COL19A1: variants seen among roughly 807,000 people sequenced by gnomAD.
The protein encoded by COL19A1 is collagen alpha-1(XIX) chain.
A neutral mutation model predicts 190.2 loss-of-function variants in COL19A1; 159 were observed. The ratio of observed to expected loss-of-function variants is 0.84; its 90% CI spans 0.73 to 0.95. The LOEUF is 0.95. Ranked by LOEUF, COL19A1 falls within the 40% of genes least tolerant of loss-of-function variation. The pLI is 0.00. For missense variants in COL19A1, 1,418 were observed against 1,431.9 expected, an observed-to-expected ratio of 0.99 and a Z score of 0.16; for synonymous variants, 509 against 458.9, an observed-to-expected ratio of 1.11 and a Z score of -1.39.
intron 1 of COL19A1, among the ~76,000 whole-genome samples, chr6:69,872,304 T>A (rs2149933272): frequency 6.6e-6 from 1 of 152,288 alleles, no homozygotes; most frequent in Non-Finnish European, 1.5e-5. Flanking sequence ...TAGTGGAACC[T>A]CATCCTATCA....
At chr6:69,996,397 A>G (rs1047364236) in intron 11 of COL19A1, among the ~76,000 whole-genome samples, 2 of 152,130 alleles carry the variant, frequency 1.3e-5, no homozygotes, top group Non-Finnish European at 2.9e-5. Context: ...TTAGCCTTAT[A>G]TTTGACTGCC....
At chr6:70,068,286 A>G in intron 14 of COL19A1, 137 bp from the exon 15 acceptor site, 1 of 661,326 alleles carries the variant, frequency 1.5e-6, no homozygotes. Flanking sequence ...TATATTATAT[A>G]GTTCAACCTT....
At chr6:69,890,274 C>T (rs1409878230) in intron 2 of COL19A1, 2 of 152,180 alleles carry the variant, frequency 1.3e-5, no homozygotes, top group Non-Finnish European at 2.9e-5. Flanking sequence ...TTGATAACTC[C>T]ATTGTTTCAA....
intron 2 of COL19A1, among the ~76,000 whole-genome samples, chr6:69,885,863 CA>C (rs35391194): frequency 0.2 from 30,600 of 151,998 alleles, 3,616 homozygotes; most frequent in East Asian, 0.34. Flanking sequence ...AATGTAATCA[CA>C]AAAACCGTAA....
At chr6:70,009,647 A>T (rs887729338) in intron 11 of COL19A1, among the ~76,000 whole-genome samples, 12 of 144,402 alleles carry the variant, frequency 8.3e-5, no homozygotes, top group South Asian at 2.1e-4. Flanking sequence ...AATGATTTTT[A>T]AAAAAATAAC....
chr6:70,030,005 A>G (rs1051592699), intron 12 of COL19A1, among the ~76,000 whole-genome samples: 1 of 152,214 alleles, frequency 6.6e-6, no homozygotes, highest in Non-Finnish European at 1.5e-5. Context: ...CAACTTACCC[A>G]TGATTATACA....
intron 14 of COL19A1, among the ~76,000 whole-genome samples, chr6:70,057,503 A>G (rs1443013176): frequency 6.6e-6 from 1 of 152,134 alleles, no homozygotes; most frequent in Non-Finnish European, 1.5e-5. Flanking sequence ...AGCTAAAACT[A>G]CACCATTAAA....
intron 15 of COL19A1, among the ~76,000 whole-genome samples, chr6:70,088,742 G>T (rs1465520473): frequency 6.6e-6 from 1 of 152,064 alleles, no homozygotes; most frequent in East Asian, 1.9e-4. Context: ...CTCCTCGAGG[G>T]CAAGATCTGT....
chr6:70,194,581 A>T (rs1767077272), intron 48 of COL19A1, among the ~76,000 whole-genome samples: 1 of 152,202 alleles, frequency 6.6e-6, no homozygotes, highest in South Asian at 2.1e-4. Flanking sequence ...ACCACACAGG[A>T]CAAGGACAGA....
chr6:69,876,535 A>T (rs999226010), intron 1 of COL19A1, among the ~76,000 whole-genome samples: 2 of 152,242 alleles, frequency 1.3e-5, no homozygotes, highest in African/African-American at 4.8e-5. Context: ...TTAAGGCCCT[A>T]TATAATACAC....
At chr6:69,973,710 G>A (rs1775557330) in intron 11 of COL19A1, 1 of 152,044 alleles carries the variant, frequency 6.6e-6, no homozygotes, top group Admixed American at 6.6e-5. Flanking sequence ...ACTGTTTTTA[G>A]TAAATCTCAA....
chr6:70,149,626 CT>C, intron 27 of COL19A1, 77 bp from the exon 28 acceptor site: 2 of 1,563,172 alleles, frequency 1.3e-6, no homozygotes, highest in Non-Finnish European at 1.7e-6. Flanking sequence ...AACTACAATG[CT>C]TAGTCTTTTA....
At chr6:69,919,358 A>C (rs748931323) in intron 4 of COL19A1, among the ~76,000 whole-genome samples, 4 of 152,228 alleles carry the variant, frequency 2.6e-5, no homozygotes, top group Non-Finnish European at 5.9e-5. Context: ...AAGCTCTAAA[A>C]GTAGATAATT....
chr6:70,199,024 A>G (rs1482567816), intron 48 of COL19A1, among the ~76,000 whole-genome samples: 3 of 152,162 alleles, frequency 2.0e-5, no homozygotes, highest in Non-Finnish European at 4.4e-5. Flanking sequence ...GCCTTCCTCC[A>G]ATGAGTGATC....
At chr6:69,880,327 C>T (rs1447602198) in intron 2 of COL19A1, among the ~76,000 whole-genome samples, 1 of 152,158 alleles carries the variant, frequency 6.6e-6, no homozygotes, top group African/African-American at 2.4e-5. Flanking sequence ...GTATAAGTTA[C>T]TTAGCTAAAT....
At chr6:70,129,233 T>C (rs903991871) in intron 17 of COL19A1, among the ~76,000 whole-genome samples, 2 of 152,112 alleles carry the variant, frequency 1.3e-5, no homozygotes, top group Non-Finnish European at 2.9e-5. Flanking sequence ...AGAGAGTAAC[T>C]TAAGGGAAAT....
At chr6:70,154,145 T>G (rs1232997140) in intron 31 of COL19A1, among the ~76,000 whole-genome samples, 3 of 147,510 alleles carry the variant, frequency 2.0e-5, no homozygotes, top group Non-Finnish European at 3.0e-5. Flanking sequence ...TGTGTGATGT[T>G]CCCCTCCCTG....
chr6:70,190,193 G>A (rs984139320), intron 47 of COL19A1, 122 bp from the exon 48 acceptor site: 1 of 723,566 alleles, frequency 1.4e-6, no homozygotes, highest in Non-Finnish European at 2.3e-6. Context: ...ATTGCCAAAA[G>A]CATTTTTCTT....
At chr6:70,117,532 C>T (rs1582952832) in intron 16 of COL19A1, among the ~76,000 whole-genome samples, 2 of 152,116 alleles carry the variant, frequency 1.3e-5, no homozygotes, top group East Asian at 3.9e-4. Context: ...TATATACTTC[C>T]CAAATTGAAT....
Sources: allele counts gnomAD v4.1 joint callset (sites outside exome capture counted in the v4.1 genomes callset), GRCh38; gene constraint gnomAD v4.1.1; transcripts MANE v1.5; gene names NCBI Gene and HGNC (gene_info 2026-07-23, HGNC 2026-07-21).